Variants in SPRED1 observed in about 807,000 individuals in gnomAD.
SPRED1 encodes the protein sprouty-related, EVH1 domain-containing protein 1.
Under a neutral mutation model 52.3 loss-of-function variants are expected in SPRED1, and 18 were observed. The ratio of observed to expected loss-of-function variants is 0.34; its 90% CI spans 0.24 to 0.51. The LOEUF (loss-of-function observed/expected upper bound fraction) is 0.51. Ranked by LOEUF, SPRED1 falls within the 20% of genes least tolerant of loss-of-function variation. The pLI is 0.97. For missense variants in SPRED1, 485 were observed against 551.0 expected (o/e 0.88, Z 1.20); for synonymous variants, 155 against 179.7 (o/e 0.86, Z 1.10).
Position 38,353,883 on chromosome 15 carries a change from G to A in SPRED1, c.*2219G>A, listed in dbSNP as rs1888548873. The A allele has an allele frequency of 6.6e-6, 1 of 152,412 alleles. No individual in the cohort carries two copies. Among genetic ancestry groups the A allele is most frequent in the Admixed American group, 6.5e-5 (1 of 15,268 alleles). The allele number at this position is 152,412 out of a possible 1,614,324, so 9.4% of individuals were successfully genotyped here. On this transcript the variant is annotated 3_prime_UTR_variant, in exon 7 of 7. Coordinates refer to ENST00000299084, the MANE Select transcript of SPRED1 (RefSeq NM_152594.3). ...ACTAATCAGTATAGTGCAACTCCTGGTTCTGTACTGTATTTTATATGCAAC... is the reference window on the plus strand; with the variant it reads ...ACTAATCAGTATAGTGCAACTCCTGATTCTGTACTGTATTTTATATGCAAC...
At chr15:38,266,674 A>T (rs988573603) in intron 1 of SPRED1, among the ~76,000 whole-genome samples, 2 of 126,670 alleles carry the variant, frequency 1.6e-5, no homozygotes, top group African/African-American at 5.7e-5. Context: ...AAACAAACAA[A>T]CAGGATATTC....
At chr15:38,254,398 G>A (rs1264602092) in intron 1 of SPRED1, among the ~76,000 whole-genome samples, 1 of 152,200 alleles carries the variant, frequency 6.6e-6, no homozygotes, top group East Asian at 1.9e-4. Flanking sequence ...CTGAGCGGGT[G>A]TAGAAGGAGG....
At chr15:38,327,014 AG>A (rs1230822728) in intron 4 of SPRED1, among the ~76,000 whole-genome samples, 3 of 152,196 alleles carry the variant, frequency 2.0e-5, no homozygotes, top group African/African-American at 7.2e-5. Context: ...GTCACATGGC[AG>A]TTACCCTCTG....
At chr15:38,253,777 A>G (rs148382662) in intron 1 of SPRED1, among the ~76,000 whole-genome samples, 1,535 of 152,260 alleles carry the variant, frequency 0.01, 27 homozygotes, top group African/African-American at 0.035. Flanking sequence ...ACATTTTTAG[A>G]ATTTAATAGG....
rs1434623497 is a variant in SPRED1, at chr15:38,353,752, G to A, written c.*2088G>A. 6.6e-6 allele frequency: 1 copy of A among 152,544 alleles called. No individual in the cohort carries two copies. The allele number at this position is 152,544 out of a possible 1,614,324, so 9.4% of individuals were successfully genotyped here. A position where few individuals can be genotyped will look rare whatever the true frequency, so the allele number is the denominator to read the frequency against. On this transcript the variant is annotated 3_prime_UTR_variant, in exon 7 of 7. Coordinates refer to ENST00000299084, the MANE Select transcript of SPRED1 (RefSeq NM_152594.3). Reference sequence around the variant, plus strand: ...TATAATTCAGGTTTGATCAAGGTGTGAATAACTGAAGAAAATAACTTGCTG... The same window carrying A: ...TATAATTCAGGTTTGATCAAGGTGTAAATAACTGAAGAAAATAACTTGCTG...
chr15:38,286,272 G>A (rs1402232303), intron 1 of SPRED1, among the ~76,000 whole-genome samples: 6 of 144,296 alleles, frequency 4.2e-5, no homozygotes, highest in South Asian at 2.2e-4. Flanking sequence ...CTTCAGATTA[G>A]CTCTGTACAT....
chr15:38,336,438 TATTA>T lies in SPRED1; in HGVS notation c.424-3298_424-3295del, dbSNP rs1347118456. Reference sequence around the variant, plus strand: ...TATGTGTGTGTATATATATATATAATATTATATATATGTTATATATATAATATTT... The same window carrying T: ...TATGTGTGTGTATATATATATATAATTATATATGTTATATATATAATATTT... On this transcript the variant is annotated intron_variant, in intron 4 of 6. Coordinates refer to ENST00000299084, the MANE Select transcript of SPRED1 (RefSeq NM_152594.3). Among the ~76,000 whole-genome samples, 2 of 32,670 alleles carry T rather than the reference TATTA, an allele frequency of 6.1e-5. 1 individual carries two copies. Among genetic ancestry groups the T allele is most frequent in the African/African-American group, 1.2e-4 (2 of 17,210 alleles). 21.4% of individuals were successfully genotyped at this position (32,670 alleles called of 152,430 possible). A position where few individuals can be genotyped will look rare whatever the true frequency, so the allele number is the denominator to read the frequency against.
At chr15:38,325,674 A>G (rs574679147) in intron 4 of SPRED1, among the ~76,000 whole-genome samples, 50 of 152,300 alleles carry the variant, frequency 3.3e-4, no homozygotes, top group African/African-American at 1.1e-3. Flanking sequence ...AAGGACATTC[A>G]AGCAACACTG....
rs1183839087 is a variant in SPRED1 at position 38,353,596 on chromosome 15, T to G, written c.*1932T>G. ...ATTTGAATGCTGCTACAACAGATGA[T>G]CTTCATCCCTGAAGTTTTCAGCTAA... On this transcript the variant is annotated 3_prime_UTR_variant, in exon 7 of 7. Transcript: ENST00000299084. 4 of 152,590 alleles carry G rather than the reference T, an allele frequency of 2.6e-5. No homozygotes were observed. The South Asian group carries it at 6.2e-4, about 24-fold the overall frequency. 9.5% of individuals were successfully genotyped at this position (152,590 alleles called of 1,614,324 possible). A position where few individuals can be genotyped will look rare whatever the true frequency, so the allele number is the denominator to read the frequency against.
chr15:38,287,244 G>A (rs559803691), intron 1 of SPRED1, among the ~76,000 whole-genome samples: 1 of 152,084 alleles, frequency 6.6e-6, no homozygotes, highest in Non-Finnish European at 1.5e-5. Context: ...TTCTGTCTAT[G>A]TAGTTTTCTC....
chr15:38,343,997 A>G (rs1289189330), intron 5 of SPRED1, among the ~76,000 whole-genome samples: 3 of 152,202 alleles, frequency 2.0e-5, no homozygotes, highest in African/African-American at 7.2e-5. Flanking sequence ...TACTTTGAGC[A>G]AAATAATTGC....
intron 1 of SPRED1, among the ~76,000 whole-genome samples, chr15:38,280,869 A>C (rs1894671956): frequency 6.6e-6 from 1 of 152,224 alleles, no homozygotes. Context: ...TCACTTTGCT[A>C]GTGGGTGAGC....
intron 1 of SPRED1, chr15:38,283,441 T>A: frequency 1.2e-6 from 1 of 841,520 alleles, no homozygotes. Flanking sequence ...GTAGACAAGG[T>A]CAGCATGTTT....
At chr15:38,304,625 G>C (rs1263835169) in intron 2 of SPRED1, among the ~76,000 whole-genome samples, 1 of 152,120 alleles carries the variant, frequency 6.6e-6, no homozygotes, top group East Asian at 1.9e-4. Flanking sequence ...CCCAAAGCCA[G>C]ATTTTCTACA....
At chr15:38,276,960 C>T (rs983757681) in intron 1 of SPRED1, among the ~76,000 whole-genome samples, 22 of 152,126 alleles carry the variant, frequency 1.4e-4, no homozygotes, top group African/African-American at 5.3e-4. Context: ...TATTTTTGTG[C>T]TAGTTTATAA....
In SPRED1 at chr15:38,354,463, G is replaced by A. The variant is rs1888564890; in HGVS notation, c.*2799G>A. On this transcript the variant is annotated 3_prime_UTR_variant, in exon 7 of 7. Coordinates refer to ENST00000299084, the MANE Select transcript of SPRED1 (RefSeq NM_152594.3). The stretch of plus-strand genomic sequence containing the variant: ...TTAAATATTTCTCTTGGCTTCAAAA[G>A]GGACATCATTTGATTTCTGAAGAAG... 1 of 152,122 alleles carries A rather than the reference G, an allele frequency of 6.6e-6. No homozygotes were observed. The highest frequency in any genetic ancestry group is 1.5e-5 in the Non-Finnish European group (1 of 68,030). 9.4% of individuals were successfully genotyped at this position (152,122 alleles called of 1,614,324 possible). A position where few individuals can be genotyped will look rare whatever the true frequency, so the allele number is the denominator to read the frequency against.
Position 38,349,478 on chromosome 15 carries a change from G to A in SPRED1, c.639G>A (p.Gln213=). 3 of 1,612,742 alleles carry A rather than the reference G, an allele frequency of 1.9e-6. No homozygotes were observed. The highest frequency in any genetic ancestry group is 2.5e-6 in the Non-Finnish European group (3 of 1,179,028). The change falls in exon 6 of 7, where the codon CAG becomes CAA. Residue 213 remains glutamine (Q), a synonymous_variant. Coordinates refer to ENST00000299084, the MANE Select transcript of SPRED1 (RefSeq NM_152594.3). ...DIQSRSMEYV[Q]RQISKECGSL... ...AGAGCAGAAGTATGGAATACGTACA[G>A]CGGCAAATATCCAAGGAATGTGGAA... is the stretch of plus-strand genomic sequence containing the variant.
chr15:38,267,706 A>G (rs1894339677), intron 1 of SPRED1, among the ~76,000 whole-genome samples: 1 of 152,210 alleles, frequency 6.6e-6, no homozygotes, highest in Admixed American at 6.5e-5. Context: ...TACTACTCCC[A>G]TTTACAAAGC....
At chr15:38,314,214 A>G (rs1229599794) in intron 2 of SPRED1, among the ~76,000 whole-genome samples, 1 of 151,782 alleles carries the variant, frequency 6.6e-6, no homozygotes, top group Non-Finnish European at 1.5e-5. Context: ...TTTAATGGTG[A>G]TATTCAAATC....
Sources: allele counts gnomAD v4.1 joint callset (sites outside exome capture counted in the v4.1 genomes callset), GRCh38; gene constraint gnomAD v4.1.1; transcripts MANE v1.5; gene names NCBI Gene and HGNC (gene_info 2026-07-23, HGNC 2026-07-21).